ABCD3: variants seen among roughly 807,000 people sequenced by gnomAD.
ABCD3 encodes the protein ATP-binding cassette sub-family D member 3.
In ABCD3, 41 loss-of-function variants were observed where a neutral mutation model predicts 105.5. The observed-to-expected ratio is 0.39, with a 90% CI of 0.30 to 0.50. ABCD3 has a LOEUF of 0.50. Ranked by LOEUF, ABCD3 falls within the 20% of genes least tolerant of loss-of-function variation. The probability of loss-of-function intolerance (pLI) is 0.84; values close to 1 mark genes in which losing one functional copy is unlikely to be tolerated. For missense variants in ABCD3, 622 were observed against 806.3 expected (o/e 0.77, Z 2.77); for synonymous variants, 258 against 269.0 (o/e 0.96, Z 0.40).
At chr1:94,386,795 C>CA in the ABCD3 span, among the ~76,000 whole-genome samples, 3 of 152,156 alleles carry the variant, frequency 2.0e-5, no homozygotes, top group Non-Finnish European at 4.4e-5. Context: ...GCGGAGGTTG[C>CA]AGTGAGCTGA....
At chr1:94,428,623 C>T (rs777964500) in intron 1 of ABCD3, among the ~76,000 whole-genome samples, 4 of 152,070 alleles carry the variant, frequency 2.6e-5, no homozygotes, top group South Asian at 2.1e-4. Flanking sequence ...TGATAGTGAA[C>T]GGTTTTTTAA....
chr1:94,502,765 G>A (rs1296966958), intron 20 of ABCD3, among the ~76,000 whole-genome samples: 1 of 152,078 alleles, frequency 6.6e-6, no homozygotes, highest in Non-Finnish European at 1.5e-5. Flanking sequence ...CTCCCAATGT[G>A]CTGGGATTTC....
chr1:94,475,829 A>G, intron 7 of ABCD3, 92 bp downstream of exon 7: 1 of 978,586 alleles, frequency 1.0e-6, no homozygotes, highest in Non-Finnish European at 1.6e-6. Context: ...TGTGGACATA[A>G]CAGCAGCATG....
Position 94,478,300 on chromosome 1 carries a change from T to C in ABCD3, c.669T>C (p.Ser223=). The change falls in exon 8 of 23, where the codon AGT becomes AGC. Residue 223 remains serine, a synonymous_variant. Transcript: ENST00000370214. ...TTTTGTATATCTTTAAGTTAACGAG[T>C]GCAATTGGAGCTCAGGTGAGTCTGC... ...DIVLYIFKLT[S]AIGAQGPASM... The C allele has an allele frequency of 6.2e-7, 1 of 1,603,354 alleles. No individual in the cohort carries two copies. Among genetic ancestry groups the C allele is most frequent in the Admixed American group, 1.7e-5 (1 of 59,932 alleles).
intron 21 of ABCD3, among the ~76,000 whole-genome samples, chr1:94,507,249 T>C (rs1193775258): frequency 6.6e-6 from 1 of 152,160 alleles, no homozygotes; most frequent in Non-Finnish European, 1.5e-5. Context: ...TGTTTAGTTT[T>C]TTGTTCTTGC....
chr1:94,463,793 C>T (rs896706830), intron 2 of ABCD3, among the ~76,000 whole-genome samples: 1 of 152,190 alleles, frequency 6.6e-6, no homozygotes, highest in Admixed American at 6.5e-5. Flanking sequence ...TCCCTCTACA[C>T]TCACAGTAAG....
At chr1:94,402,865 C>T in the ABCD3 span, among the ~76,000 whole-genome samples, 1 of 151,820 alleles carries the variant, frequency 6.6e-6, no homozygotes, top group Admixed American at 6.6e-5. Context: ...AGGTTAGTTA[C>T]ATATGTATAC....
intron 13 of ABCD3, among the ~76,000 whole-genome samples, chr1:94,489,044 A>C (rs1649406189): frequency 6.6e-6 from 1 of 152,044 alleles, no homozygotes; most frequent in Non-Finnish European, 1.5e-5. Context: ...TCACCTCCCA[A>C]AGTTTGCTTT....
At chr1:94,470,560 A>G (rs530085163) in intron 4 of ABCD3, among the ~76,000 whole-genome samples, 1 of 151,776 alleles carries the variant, frequency 6.6e-6, no homozygotes, top group South Asian at 2.1e-4. Flanking sequence ...TTCACTGAAC[A>G]TTGGTATGAA....
intron 21 of ABCD3, among the ~76,000 whole-genome samples, chr1:94,507,886 T>G (rs989353415): frequency 3.0e-4 from 45 of 147,548 alleles, no homozygotes; most frequent in African/African-American, 1.1e-3. Flanking sequence ...AGATTCTGGA[T>G]ATTAGCCCTT....
intron 1 of ABCD3, among the ~76,000 whole-genome samples, chr1:94,427,689 A>T (rs962434204): frequency 6.6e-5 from 10 of 152,202 alleles, no homozygotes; most frequent in Admixed American, 6.5e-4. Context: ...TGACCAGGCT[A>T]GTCTCGAATT....
Position 94,483,180 on chromosome 1 carries a change from G to T in ABCD3, c.838G>T (p.Ala280Ser). Residue 280 changes from alanine (A) to serine (S), a missense_variant, in exon 10 of 23, where the codon GCC becomes TCC. Coordinates refer to ENST00000370214, the MANE Select transcript of ABCD3 (RefSeq NM_002858.4). Reference protein sequence around the residue: ...SRLITNSEEIAFYNGNKREKQ... With the variant: ...SRLITNSEEISFYNGNKREKQ... ...TATTTTCTTTAATAGTGAAGAAATT[G>T]CCTTTTACAATGGGAATAAAAGAGA... 1.2e-6 allele frequency: 2 copies of T among 1,607,214 alleles called. No homozygotes were observed. The highest frequency in any genetic ancestry group is 2.7e-5 in the African/African-American group (2 of 74,868).
chr1:94,509,193 G>A (rs149776799), intron 21 of ABCD3, among the ~76,000 whole-genome samples: 3,780 of 152,282 alleles, frequency 0.025, 130 homozygotes, highest in African/African-American at 0.067. Flanking sequence ...TTTTTACCAT[G>A]AATGGTTGTT....
intron 20 of ABCD3, among the ~76,000 whole-genome samples, chr1:94,502,595 C>G (rs1391001777): frequency 6.6e-6 from 1 of 151,092 alleles, no homozygotes; most frequent in East Asian, 2.0e-4. Flanking sequence ...CTCCCAGGTT[C>G]AAGAGATTCT....
At chr1:94,388,094 A>G in the ABCD3 span, among the ~76,000 whole-genome samples, 1 of 152,318 alleles carries the variant, frequency 6.6e-6, no homozygotes, top group East Asian at 1.9e-4. Context: ...AGACATGGCT[A>G]TACTTTTCAA....
At chr1:94,465,696 C>G (rs1648101451) in intron 3 of ABCD3, among the ~76,000 whole-genome samples, 1 of 152,152 alleles carries the variant, frequency 6.6e-6, no homozygotes, top group South Asian at 2.1e-4. Flanking sequence ...TATCTGGATT[C>G]ATCAGTTATT....
At chr1:94,478,821 G>A in intron 8 of ABCD3, 1 of 414,224 alleles carries the variant, frequency 2.4e-6, no homozygotes, top group Non-Finnish European at 3.7e-6. Flanking sequence ...GATACATTTA[G>A]AGTGGGTGTA....
chr1:94,488,668 T>C (rs1557683697), intron 13 of ABCD3, among the ~76,000 whole-genome samples: 2 of 152,080 alleles, frequency 1.3e-5, no homozygotes, highest in Non-Finnish European at 2.9e-5. Context: ...GTGGCAGTTA[T>C]GGTCTTCATG....
intron 21 of ABCD3, among the ~76,000 whole-genome samples, chr1:94,509,873 T>C (rs1246867246): frequency 6.6e-6 from 1 of 152,176 alleles, no homozygotes; most frequent in African/African-American, 2.4e-5. Context: ...ATTTGATTCA[T>C]CTCTCTTTTT....
Sources: allele counts gnomAD v4.1 joint callset (sites outside exome capture counted in the v4.1 genomes callset), GRCh38; gene constraint gnomAD v4.1.1; transcripts MANE v1.5; gene names NCBI Gene and HGNC (gene_info 2026-07-23, HGNC 2026-07-21).